Variants in TUFT1 observed in about 807,000 individuals in gnomAD.
TUFT1 encodes the protein tuftelin 1, also known as tuftelin.
Under a neutral mutation model 57.8 loss-of-function variants are expected in TUFT1, and 43 were observed. The observed-to-expected ratio is 0.74, with a 90% CI of 0.58 to 0.96. TUFT1 has a LOEUF of 0.96. Ranked by LOEUF, TUFT1 falls within the 40% of genes least tolerant of loss-of-function variation. TUFT1 has a pLI of 0.00. For missense variants in TUFT1, 459 were observed against 489.0 expected, an observed-to-expected ratio of 0.94 and a Z score of 0.58; for synonymous variants, 166 against 176.7, an observed-to-expected ratio of 0.94 and a Z score of 0.48.
rs969200855 is a variant in TUFT1, at chr1:151,582,147, C to T, written c.*440C>T. The T allele has an allele frequency of 3.2e-5, 15 of 462,040 alleles. No individual in the cohort carries two copies. The highest frequency in any genetic ancestry group is 2.3e-4 in the Admixed American group (10 of 42,716). The allele number at this position is 462,040 out of a possible 1,614,324, so 28.6% of individuals were successfully genotyped here. On this transcript the variant is annotated 3_prime_UTR_variant, in exon 13 of 13. Coordinates refer to ENST00000368849, the MANE Select transcript of TUFT1 (RefSeq NM_020127.3). ...TGTCCTGGGGGAATGAAGTTCCTTC[C>T]ACAAACACAGCTCAGTTCTTAGCAA... is the stretch of plus-strand genomic sequence containing the variant.
rs1321985581 is a variant in TUFT1, at chr1:151,564,575, C to T, written c.375C>T (p.Asp125=). The T allele has an allele frequency of 1.9e-6, 3 of 1,614,132 alleles. No homozygotes were observed. The highest frequency in any genetic ancestry group is 2.5e-6 in the Non-Finnish European group (3 of 1,180,012). Residue 125 remains aspartate, a synonymous_variant, in exon 5 of 13, where the codon GAC becomes GAT. Coordinates refer to ENST00000368849, the MANE Select transcript of TUFT1 (RefSeq NM_020127.3). ...KLREDISSKL[D]RNLGDSLHRQ... ...GGGAGGATATAAGTAGCAAGCTTGA[C>T]AGGAACCTAGGAGATTCTCTCCATC... is the stretch of plus-strand genomic sequence containing the variant.
rs147197731 is a variant in TUFT1 at position 151,565,244 on chromosome 1, A to G, written c.414+630A>G. ...GGGTAAGTCTTTCCTGGGAGGGATA[A>G]TCCTGGGATCCTGCTTTTCAGTTTT... On this transcript the variant is annotated intron_variant, in intron 5 of 12. Transcript: ENST00000368849. 3.4e-3 allele frequency among the ~76,000 whole-genome samples: 521 copies of G among 152,312 alleles called. 1 individual carries two copies. The highest frequency in any genetic ancestry group is 0.024 in the Middle Eastern group (7 of 294).
intron 1 of TUFT1, among the ~76,000 whole-genome samples, chr1:151,543,327 A>ATATGTGTG: frequency 6.8e-6 from 1 of 146,752 alleles, no homozygotes. Context: ...TTATATATAT[A>ATATGTGTG]TGTGTGTGTG....
chr1:151,570,798 C>T (rs1666230166), intron 7 of TUFT1, among the ~76,000 whole-genome samples: 1 of 152,162 alleles, frequency 6.6e-6, no homozygotes, highest in Non-Finnish European at 1.5e-5. Flanking sequence ...ACCTCCATCT[C>T]CCGGACTCAA....
chr1:151,567,690 C>T (rs1192671410), intron 6 of TUFT1, among the ~76,000 whole-genome samples: 1 of 152,086 alleles, frequency 6.6e-6, no homozygotes, highest in Non-Finnish European at 1.5e-5. Flanking sequence ...GGACTACTGG[C>T]GTGAGCCACC....
intron 12 of TUFT1, among the ~76,000 whole-genome samples, 179 bp from the exon 13 acceptor site, chr1:151,581,465 A>C (rs551437393): frequency 3.9e-4 from 59 of 152,074 alleles, no homozygotes; most frequent in African/African-American, 1.3e-3. Flanking sequence ...TCATGCCCCA[A>C]ATCTTCCCCT....
At chr1:151,581,142 T>C (rs1666636236) in intron 12 of TUFT1, 100 bp downstream of exon 12, 3 of 1,133,368 alleles carry the variant, frequency 2.6e-6, no homozygotes, top group Non-Finnish European at 2.5e-6. Context: ...ACAAGGCTCC[T>C]TTAAATCCAA....
intron 5 of TUFT1, among the ~76,000 whole-genome samples, chr1:151,565,312 G>A (rs77467763): frequency 0.063 from 9,601 of 152,324 alleles, 418 homozygotes; most frequent in South Asian, 0.083. Flanking sequence ...GAGCAGAGCT[G>A]TCTCTTTGTG....
chr1:151,579,555 G>A (rs1021200327), intron 10 of TUFT1, 94 bp from the exon 11 acceptor site: 2 of 1,233,896 alleles, frequency 1.6e-6, no homozygotes, highest in East Asian at 4.9e-5. Flanking sequence ...GAGTTGCAGG[G>A]CTCTGCTGCC....
At chr1:151,541,987 C>T (rs1665182626) in intron 1 of TUFT1, among the ~76,000 whole-genome samples, 1 of 152,138 alleles carries the variant, frequency 6.6e-6, no homozygotes, top group Admixed American at 6.6e-5. Flanking sequence ...GCTGGGACTT[C>T]AGATGCACAC....
chr1:151,558,846 A>G (rs868767154), intron 1 of TUFT1, among the ~76,000 whole-genome samples: 13 of 146,928 alleles, frequency 8.8e-5, no homozygotes, highest in Non-Finnish European at 1.5e-4. Context: ...GTGCAGTGGT[A>G]TGATCTTGGC....
intron 1 of TUFT1, among the ~76,000 whole-genome samples, chr1:151,544,817 T>A (rs565606221): frequency 6.6e-6 from 1 of 152,356 alleles, no homozygotes; most frequent in African/African-American, 2.4e-5. Context: ...TGTGTTTACC[T>A]CCATGTTTCT....
rs1181157445 is a variant in TUFT1 at position 151,582,405 on chromosome 1, C to T, written c.*698C>T. ...GTGTGACTTCTCTCTGCTGTGAAAA[C>T]TCCCAGAGTCTCTTTAGGGATTTTC... On this transcript the variant is annotated 3_prime_UTR_variant, in exon 13 of 13. Coordinates refer to ENST00000368849, the MANE Select transcript of TUFT1 (RefSeq NM_020127.3). The T allele has an allele frequency of 2.8e-6, 1 of 353,172 alleles. No homozygotes were observed. The highest frequency in any genetic ancestry group is 5.6e-6 in the Non-Finnish European group (1 of 179,596). The allele number at this position is 353,172 out of a possible 1,614,324, so 21.9% of individuals were successfully genotyped here. A position where few individuals can be genotyped will look rare whatever the true frequency, so the allele number is the denominator to read the frequency against.
chr1:151,566,363 C>CA, intron 6 of TUFT1, 135 bp downstream of exon 6: 2 of 698,350 alleles, frequency 2.9e-6, no homozygotes, highest in South Asian at 3.5e-5. Context: ...CATAAAAATT[C>CA]AAACACAGAG....
At chr1:151,572,152 G>A (rs1011441744) in intron 7 of TUFT1, among the ~76,000 whole-genome samples, 1 of 152,190 alleles carries the variant, frequency 6.6e-6, no homozygotes, top group African/African-American at 2.4e-5. Flanking sequence ...AGTGAGCTAT[G>A]ATTGTGCCAC....
chr1:151,576,216 T>C lies in TUFT1; in HGVS notation c.818+1211T>C, dbSNP rs1190978426. Among the ~76,000 whole-genome samples, 3 of 152,162 alleles carry C rather than the reference T, an allele frequency of 2.0e-5. 1 individual carries two copies. The highest frequency in any genetic ancestry group is 7.2e-5 in the African/African-American group (3 of 41,436). ...TTGTACCCCAAGCAGCATGCGCTTG[T>C]CAGCTTCCTCAGGCAGAACTGGGGA... is the stretch of plus-strand genomic sequence containing the variant. On this transcript the variant is annotated intron_variant, in intron 9 of 12. Transcript: ENST00000368849.
intron 1 of TUFT1, among the ~76,000 whole-genome samples, chr1:151,543,910 A>G (rs1665247624): frequency 6.6e-6 from 1 of 151,886 alleles, no homozygotes; most frequent in Admixed American, 6.6e-5. Flanking sequence ...ATGACATTAG[A>G]CTTTACCATG....
intron 9 of TUFT1, among the ~76,000 whole-genome samples, chr1:151,577,344 C>G (rs1465013897): frequency 2.0e-5 from 3 of 152,160 alleles, no homozygotes; most frequent in Non-Finnish European, 4.4e-5. Flanking sequence ...AGTTTCAACC[C>G]TTTAATCATG....
chr1:151,578,774 TG>T lies in TUFT1; in HGVS notation c.874del (p.Asp292MetfsTer14). On this transcript the variant is annotated frameshift_variant, in exon 10 of 13. Coordinates refer to ENST00000368849, the MANE Select transcript of TUFT1 (RefSeq NM_020127.3). LOFTEE classifies it high-confidence loss of function. ...VAGLREKIHH[L>X]DDMLKSQQRK... ...GGGTTGCGGGAGAAGATCCACCACT[TG>T]GATGACATGCTCAAGAGCCAGCAGC... 6.3e-7 allele frequency: 1 copy of T among 1,584,546 alleles called. No individual in the cohort carries two copies. The highest frequency in any genetic ancestry group is 8.6e-7 in the Non-Finnish European group (1 of 1,164,078).
Sources: allele counts gnomAD v4.1 joint callset (sites outside exome capture counted in the v4.1 genomes callset), GRCh38; gene constraint gnomAD v4.1.1; transcripts MANE v1.5; gene names NCBI Gene and HGNC (gene_info 2026-07-23, HGNC 2026-07-21).